The following RAD23B variants were observed in gnomAD, a reference collection of about 807,000 sequenced individuals.
RAD23B encodes the protein lysine-specific demethylase RAD23B.
A neutral mutation model predicts 49.1 loss-of-function variants in RAD23B; 5 were observed. The ratio of observed to expected loss-of-function variants is 0.10; its 90% CI spans 0.05 to 0.21. The LOEUF is 0.21. RAD23B is among the 10% of genes least tolerant of loss of function. The pLI is 1.00. For synonymous variants in RAD23B, 184 were observed against 165.4 expected (o/e 1.11, Z -0.86); for missense variants, 356 against 486.7 (o/e 0.73, Z 2.53).
At chr9:107,321,086 A>G (rs16912387) in intron 6 of RAD23B, among the ~76,000 whole-genome samples, 8,350 of 152,242 alleles carry the variant, frequency 0.055, 702 homozygotes, top group African/African-American at 0.19. Context: ...GTCCCAAAAG[A>G]GTTTAGTGCA....
intron 5 of RAD23B, among the ~76,000 whole-genome samples, chr9:107,316,156 C>T (rs35494237): frequency 0.11 from 16,265 of 151,994 alleles, 943 homozygotes; most frequent in South Asian, 0.15. Context: ...ACTACAGGCA[C>T]GTGCCACCAT....
intron 3 of RAD23B, among the ~76,000 whole-genome samples, chr9:107,304,500 A>T (rs531412306): frequency 6.6e-6 from 1 of 152,344 alleles, no homozygotes; most frequent in East Asian, 1.9e-4. Context: ...AAGTTAAGCT[A>T]AATAGGAAAA....
At chr9:107,313,294 C>T (rs937492381) in intron 5 of RAD23B, among the ~76,000 whole-genome samples, 1 of 152,018 alleles carries the variant, frequency 6.6e-6, no homozygotes. Flanking sequence ...GGCATGATCT[C>T]AGCTCACTGC....
intron 6 of RAD23B, 147 bp downstream of exon 6, chr9:107,319,026 G>A: frequency 1.3e-6 from 1 of 754,268 alleles, no homozygotes; most frequent in Non-Finnish European, 1.8e-6. Context: ...TTTGTATTTT[G>A]TGTTAATAAA....
At chr9:107,300,014 A>G in intron 1 of RAD23B, 127 bp from the exon 2 acceptor site, 1 of 1,202,214 alleles carries the variant, frequency 8.3e-7, no homozygotes, top group Non-Finnish European at 1.1e-6. Flanking sequence ...GGAAAAACAT[A>G]ATATTTGAGG....
chr9:107,307,196 G>A (rs746218038), intron 4 of RAD23B, among the ~76,000 whole-genome samples: 1 of 152,140 alleles, frequency 6.6e-6, no homozygotes, highest in Non-Finnish European at 1.5e-5. Flanking sequence ...AGAAATTCAG[G>A]CTTCTGCCTG....
At position 107,302,312 on chromosome 9, in the gene RAD23B, A is replaced by G. The variant is rs558236827; in HGVS notation, c.228+198A>G. On this transcript the variant is annotated intron_variant, in intron 3 of 9. Transcript: ENST00000358015. ...TTACATTAATTACACATTAAACTAT[A>G]ATATAGTTTTAATAAAATTTTATGT... 7.8e-4 allele frequency among the ~76,000 whole-genome samples: 119 copies of G among 152,318 alleles called. 1 individual carries two copies. The highest frequency in any genetic ancestry group is 2.9e-3 in the African/African-American group (119 of 41,578).
intron 5 of RAD23B, among the ~76,000 whole-genome samples, chr9:107,314,706 A>G (rs1233156098): frequency 6.6e-6 from 1 of 152,208 alleles, no homozygotes; most frequent in Admixed American, 6.5e-5. Flanking sequence ...GGATTTCTGG[A>G]TTAAATGATA....
chr9:107,307,220 G>C (rs538883516), intron 4 of RAD23B, among the ~76,000 whole-genome samples: 2 of 151,934 alleles, frequency 1.3e-5, no homozygotes, highest in South Asian at 4.1e-4. Flanking sequence ...GGATCTTTAG[G>C]GGAAAAAAAA....
At chr9:107,299,791 A>AT (rs1826609945) in intron 1 of RAD23B, among the ~76,000 whole-genome samples, 3 of 152,082 alleles carry the variant, frequency 2.0e-5, no homozygotes, top group South Asian at 2.1e-4. Context: ...TATTTCTTAG[A>AT]TTTTTTAGGT....
chr9:107,313,471 C>T (rs7027124), intron 5 of RAD23B, among the ~76,000 whole-genome samples: 2,073 of 152,250 alleles, frequency 0.014, 52 homozygotes, highest in African/African-American at 0.047. Context: ...GTGATCTGCC[C>T]GCCTCGGCCT....
chr9:107,294,055 G>A (rs1833438780), intron 1 of RAD23B, among the ~76,000 whole-genome samples: 1 of 152,178 alleles, frequency 6.6e-6, no homozygotes, highest in Non-Finnish European at 1.5e-5. Context: ...TTGTTGGCCT[G>A]AACTAGAATA....
intron 3 of RAD23B, among the ~76,000 whole-genome samples, chr9:107,304,834 A>G (rs183345118): frequency 4.3e-4 from 66 of 152,290 alleles, no homozygotes; most frequent in African/African-American, 1.5e-3. Flanking sequence ...CCTCTCCCCT[A>G]CAGTCAGAAA....
intron 1 of RAD23B, among the ~76,000 whole-genome samples, chr9:107,294,904 A>G (rs1378919256): frequency 2.0e-5 from 3 of 152,164 alleles, no homozygotes; most frequent in Non-Finnish European, 1.5e-5. Context: ...AGAGATAGGA[A>G]AACCAAAAGT....
At position 107,329,779 on chromosome 9, in the gene RAD23B, G is replaced by T. The variant is rs1827274701; in HGVS notation, c.*123G>T. On this transcript the variant is annotated 3_prime_UTR_variant, in exon 10 of 10. Transcript: ENST00000358015. ...GGTATAAGGTAGTAGATTGTTGGGG[G>T]TGGGGAGGGAGGGATCTAGGATACA... 2 of 450,328 alleles carry T rather than the reference G, an allele frequency of 4.4e-6. No homozygotes were observed. The highest frequency in any genetic ancestry group is 3.2e-5 in the Admixed American group (1 of 31,084). The allele number at this position is 450,328 out of a possible 1,614,324, so 27.9% of individuals were successfully genotyped here. A position where few individuals can be genotyped will look rare whatever the true frequency, so the allele number is the denominator to read the frequency against.
chr9:107,301,516 T>A (rs1034369037), intron 2 of RAD23B, among the ~76,000 whole-genome samples: 2 of 152,184 alleles, frequency 1.3e-5, no homozygotes, highest in African/African-American at 4.8e-5. Flanking sequence ...AAGTTTGACA[T>A]CTTTTAGTCA....
Position 107,329,675 on chromosome 9 carries a change from TCA to T in RAD23B, c.*23_*24del, listed in dbSNP as rs1412413464. 16 of 1,494,982 alleles carry T rather than the reference TCA, an allele frequency of 1.1e-5. No individual in the cohort carries two copies. Among genetic ancestry groups the T allele is most frequent in the Non-Finnish European group, 1.5e-5 (16 of 1,074,018 alleles). 92.6% of individuals were successfully genotyped at this position (1,494,982 alleles called of 1,614,324 possible). A position where few individuals can be genotyped will look rare whatever the true frequency, so the allele number is the denominator to read the frequency against. The stretch of plus-strand genomic sequence containing the variant: ...AGATTGAAAGGGACTTTTTTATATC[TCA>T]CACTTCACACCAGTGCATTACACTA... On this transcript the variant is annotated 3_prime_UTR_variant, in exon 10 of 10. Transcript: ENST00000358015.
intron 9 of RAD23B, among the ~76,000 whole-genome samples, chr9:107,328,695 A>G (rs1344433728): frequency 6.6e-6 from 1 of 152,110 alleles, no homozygotes; most frequent in African/African-American, 2.4e-5. Flanking sequence ...CCCACTGCTC[A>G]CCTGCTCCTG....
intron 9 of RAD23B, among the ~76,000 whole-genome samples, chr9:107,326,203 G>T (rs1381693676): frequency 3.3e-5 from 5 of 151,984 alleles, no homozygotes; most frequent in Non-Finnish European, 7.4e-5. Context: ...TCTGAATTTG[G>T]TGTCTGGGTA....
Sources: gnomAD v4.1 joint callset for allele counts (sites outside exome capture counted in the v4.1 genomes callset) on GRCh38, gnomAD v4.1.1 for gene constraint, MANE v1.5 for transcripts, NCBI Gene and HGNC (gene_info 2026-07-23, HGNC 2026-07-21) for gene names.